The following CCDC146 variants were observed in gnomAD, a reference collection of about 807,000 sequenced individuals.
CCDC146 encodes coiled-coil domain containing 146.
In CCDC146, 92 loss-of-function variants were observed where a neutral mutation model predicts 119.3. That is an observed-to-expected ratio of 0.77 (90% CI 0.65 to 0.92). CCDC146 has a LOEUF of 0.92. Among genes scored for constraint, CCDC146 ranks in the 40% least tolerant of loss-of-function variants. The pLI is 0.00. For missense variants in CCDC146, 1,000 were observed against 1,103.0 expected (o/e 0.91, Z 1.32); for synonymous variants, 372 against 371.8 (o/e 1.00, Z -0.01).
intron 8 of CCDC146, among the ~76,000 whole-genome samples, chr7:77,260,864 G>A (rs1234370815): frequency 2.0e-5 from 3 of 152,014 alleles, no homozygotes; most frequent in South Asian, 4.2e-4. Flanking sequence ...TCTTGACCTC[G>A]TGATCCACCC....
At chr7:77,237,240 C>T (rs1359456075) in intron 3 of CCDC146, among the ~76,000 whole-genome samples, 1 of 152,132 alleles carries the variant, frequency 6.6e-6, no homozygotes, top group African/African-American at 2.4e-5. Flanking sequence ...AGGCCGTGTA[C>T]ATCTGCGAGT....
At chr7:77,142,785 G>A (rs1419734685) in intron 1 of CCDC146, among the ~76,000 whole-genome samples, 1 of 151,734 alleles carries the variant, frequency 6.6e-6, no homozygotes, top group East Asian at 1.9e-4. Context: ...TGGTGTATAT[G>A]TGCCACATTT....
rs1479227615 is a variant in CCDC146 at position 77,274,541 on chromosome 7, G to A, written c.1329G>A (p.Lys443=). 5 of 1,611,032 alleles carry A rather than the reference G, an allele frequency of 3.1e-6. No homozygotes were observed. The African/African-American group carries it at 6.7e-5, about 22-fold the overall frequency. Residue 443 remains lysine, a synonymous_variant, in exon 11 of 19, where the codon AAG becomes AAA. Coordinates refer to ENST00000285871, the MANE Select transcript of CCDC146 (RefSeq NM_020879.3). Reference sequence around the variant, plus strand: ...AACAACAACTTGCAGAAGAAAACAAGCTTTTAAAGGAGCAAGAAAACATGA... The same window carrying A: ...AACAACAACTTGCAGAAGAAAACAAACTTTTAAAGGAGCAAGAAAACATGA... ...LVEQQLAEEN[K]LLKEQENMKE... is the part of the protein sequence containing the mutation.
At position 77,212,995 on chromosome 7, in the gene CCDC146, C is replaced by T. The variant is rs1159092130; in HGVS notation, c.157-23952C>T. Among the ~76,000 whole-genome samples the T allele has an allele frequency of 4.0e-5, 5 of 125,000 alleles. No individual in the cohort carries two copies. The Admixed American group carries it at 4.2e-4, about 10-fold the overall frequency. The allele number at this position is 125,000 out of a possible 152,430, so 82.0% of individuals were successfully genotyped here. On this transcript the variant is annotated intron_variant, in intron 2 of 18. Coordinates refer to ENST00000285871, the MANE Select transcript of CCDC146 (RefSeq NM_020879.3). ...TGCCAAGGCTACTTTCTAGGTGGTG[C>T]CATCAACTTTGTTTTTTGTTGTTGT...
At chr7:77,240,979 T>G (rs1398413794) in intron 3 of CCDC146, among the ~76,000 whole-genome samples, 1 of 150,006 alleles carries the variant, frequency 6.7e-6, no homozygotes, top group Non-Finnish European at 1.5e-5. Flanking sequence ...TTTGTTTTTT[T>G]TTGTTTGTTT....
At chr7:77,208,174 CT>C (rs1422515263) in intron 2 of CCDC146, among the ~76,000 whole-genome samples, 6 of 152,180 alleles carry the variant, frequency 3.9e-5, no homozygotes, top group Admixed American at 3.9e-4. Context: ...TTAGGTTCTC[CT>C]CTTGATAACT....
At chr7:77,140,173 G>T (rs550677936) in intron 1 of CCDC146, among the ~76,000 whole-genome samples, 3 of 151,844 alleles carry the variant, frequency 2.0e-5, no homozygotes, top group African/African-American at 7.3e-5. Context: ...GGGATTAAAG[G>T]CATGAGCCAC....
intron 5 of CCDC146, 125 bp downstream of exon 5, chr7:77,254,688 G>C: frequency 1.9e-6 from 1 of 536,232 alleles, no homozygotes; most frequent in Non-Finnish European, 3.3e-6. Flanking sequence ...AGTCTTAACT[G>C]TGAATGATGC....
intron 2 of CCDC146, among the ~76,000 whole-genome samples, chr7:77,212,552 C>T (rs530104228): frequency 2.6e-3 from 369 of 141,118 alleles, no homozygotes; most frequent in Middle Eastern, 0.012. Context: ...ACCCAGGAGG[C>T]GGAGCATGCA....
intron 2 of CCDC146, among the ~76,000 whole-genome samples, chr7:77,188,742 T>G (rs1791711227): frequency 6.6e-6 from 1 of 152,244 alleles, no homozygotes; most frequent in South Asian, 2.1e-4. Context: ...TTTTAAGATA[T>G]CCAGTAACTC....
chr7:77,270,434 A>T (rs1053956372), intron 9 of CCDC146, among the ~76,000 whole-genome samples: 1 of 152,196 alleles, frequency 6.6e-6, no homozygotes, highest in Non-Finnish European at 1.5e-5. Context: ...TCATAAGCTT[A>T]CAAAACCTGA....
At chr7:77,223,022 TGTTAG>T (rs1792434225) in intron 2 of CCDC146, among the ~76,000 whole-genome samples, 1 of 152,232 alleles carries the variant, frequency 6.6e-6, no homozygotes, top group Non-Finnish European at 1.5e-5. Flanking sequence ...GCTTTGGCCC[TGTTAG>T]GTTCTTTGCT....
At position 77,274,362 on chromosome 7, in the gene CCDC146, C is replaced by A. The variant is rs187975485; in HGVS notation, c.1270-120C>A. ...TGAATTACAGGCGTGAGCCACCACACCTGGCCTGTTTAAAAAAATACATTT... is the reference window on the plus strand; with the variant it reads ...TGAATTACAGGCGTGAGCCACCACAACTGGCCTGTTTAAAAAAATACATTT... On this transcript the variant is annotated intron_variant, in intron 10 of 18. Coordinates refer to ENST00000285871, the MANE Select transcript of CCDC146 (RefSeq NM_020879.3). 5 of 698,836 alleles carry A rather than the reference C, an allele frequency of 7.2e-6. No homozygotes were observed. The Admixed American group carries it at 1.2e-4, about 17-fold the overall frequency. 43.3% of individuals were successfully genotyped at this position (698,836 alleles called of 1,614,324 possible).
In CCDC146 at chr7:77,280,709, C is replaced by A; in HGVS notation, c.1919+56C>A. On this transcript the variant is annotated intron_variant, in intron 14 of 18. Coordinates refer to ENST00000285871, the MANE Select transcript of CCDC146 (RefSeq NM_020879.3). ...GGGATCCAACTGAGGAATGTCACCT[C>A]TTTTTCTATCTAGACTTGACAGTGA... is the stretch of plus-strand genomic sequence containing the variant. The A allele has an allele frequency of 5.1e-6, 6 of 1,182,176 alleles. No homozygotes were observed. In the Admixed American group the frequency reaches 6.5e-5, roughly 13 times the overall value. 73.2% of individuals were successfully genotyped at this position (1,182,176 alleles called of 1,614,324 possible).
At chr7:77,249,975 A>C (rs1410420856) in intron 4 of CCDC146, among the ~76,000 whole-genome samples, 1 of 152,088 alleles carries the variant, frequency 6.6e-6, no homozygotes, top group Non-Finnish European at 1.5e-5. Flanking sequence ...TCAGTTGTAC[A>C]TCTTTTTTTA....
chr7:77,216,176 C>A (rs1442769936), intron 2 of CCDC146, among the ~76,000 whole-genome samples: 2 of 151,846 alleles, frequency 1.3e-5, no homozygotes, highest in Non-Finnish European at 2.9e-5. Context: ...CCTTTGTCCC[C>A]TCTTTTTTGT....
rs1416281164 is a variant in CCDC146, at chr7:77,122,733, G to C, written c.-12+1G>C. 1 of 160,462 alleles carries C rather than the reference G, an allele frequency of 6.2e-6. No individual in the cohort carries two copies. Among genetic ancestry groups the C allele is most frequent in the African/African-American group, 2.4e-5 (1 of 41,512 alleles). 9.9% of individuals were successfully genotyped at this position (160,462 alleles called of 1,614,324 possible). A position where few individuals can be genotyped will look rare whatever the true frequency, so the allele number is the denominator to read the frequency against. ...ATAAGGATCAGGACCAAGGGAAGGG[G>C]TAAGAAACTGCGCTTTTTAAGTTGA... On this transcript the variant is annotated splice_donor_variant, in intron 1 of 18. Coordinates refer to ENST00000285871, the MANE Select transcript of CCDC146 (RefSeq NM_020879.3). LOFTEE classifies it low-confidence loss of function (5UTR_SPLICE).
chr7:77,292,157 G>A (rs1793955831), intron 17 of CCDC146, among the ~76,000 whole-genome samples: 1 of 152,036 alleles, frequency 6.6e-6, no homozygotes, highest in African/African-American at 2.4e-5. Flanking sequence ...AGCCAACTAT[G>A]GTGGTGCATG....
Position 77,274,525 on chromosome 7 carries a change from T to C in CCDC146, c.1313T>C (p.Leu438Pro), listed in dbSNP as rs1793591461. The change falls in exon 11 of 19, where the codon CTT (leucine) becomes CCT (proline). Residue 438 changes from leucine (L) to proline (P), a missense_variant. Physicochemically the swap from Leu to Pro is moderately conservative, Grantham distance 98. Around this residue, in one of 2 missense-constraint regions of CCDC146, gnomAD observed 985 missense variants for 1,045.3 expected, o/e 0.94. Transcript: ENST00000285871. ...EMESKLVEQQ[L>P]AEENKLLKEQ... ...GAGTCTAAGTTAGTAGAACAACAAC[T>C]TGCAGAAGAAAACAAGCTTTTAAAG... 2 of 1,608,138 alleles carry C rather than the reference T, an allele frequency of 1.2e-6. No homozygotes were observed. The highest frequency in any genetic ancestry group is 1.3e-5 in the African/African-American group (1 of 74,512).
Sources: gnomAD v4.1 joint callset for allele counts (sites outside exome capture counted in the v4.1 genomes callset) on GRCh38, gnomAD v4.1.1 for gene constraint, gnomAD v4.1.1 regional missense constraint, MANE v1.5 for transcripts, NCBI Gene and HGNC (gene_info 2026-07-23, HGNC 2026-07-21) for gene names.